Variants in REEP5 observed in about 807,000 individuals in gnomAD.
REEP5 encodes the protein receptor expression-enhancing protein 5.
REEP5 carries 24 observed loss-of-function variants against 22.4 expected under a neutral mutation model. That is an observed-to-expected ratio of 1.07 (90% CI 0.78 to 1.51). REEP5 has a LOEUF of 1.51. REEP5 is among the 40% of genes most tolerant of loss of function. The pLI, the probability that REEP5 is intolerant of heterozygous loss-of-function variation, is 0.00. For synonymous variants in REEP5, 103 were observed against 88.6 expected, an observed-to-expected ratio of 1.16 and a Z score of -0.92; for missense variants, 252 against 233.0, an observed-to-expected ratio of 1.08 and a Z score of -0.53.
chr5:112,886,709 T>A (rs544189427), intron 4 of REEP5, among the ~76,000 whole-genome samples: 2 of 152,184 alleles, frequency 1.3e-5, no homozygotes, highest in Non-Finnish European at 1.5e-5. Flanking sequence ...AAATAAACAA[T>A]TAGAAGAGAT....
At chr5:112,903,281 T>C (rs891472123) in intron 2 of REEP5, among the ~76,000 whole-genome samples, 16 of 152,242 alleles carry the variant, frequency 1.1e-4, no homozygotes, top group African/African-American at 3.4e-4. Context: ...TAGATATTTA[T>C]CGTAACTGAG....
chr5:112,908,143 C>G (rs546369526), intron 2 of REEP5, among the ~76,000 whole-genome samples: 1 of 144,180 alleles, frequency 6.9e-6, no homozygotes, highest in African/African-American at 2.6e-5. Context: ...TCTTGTGGCC[C>G]AGGCTGGAGT....
At chr5:112,892,933 A>G (rs758522835) in intron 3 of REEP5, 9 of 1,601,864 alleles carry the variant, frequency 5.6e-6, no homozygotes, top group Middle Eastern at 1.6e-4. Flanking sequence ...AGGAAGAAAT[A>G]GGCACCGCAG....
intron 2 of REEP5, among the ~76,000 whole-genome samples, chr5:112,908,353 T>C (rs982390576): frequency 6.6e-6 from 1 of 152,146 alleles, no homozygotes; most frequent in African/African-American, 2.4e-5. Flanking sequence ...TCTACCCACC[T>C]TGGCCTCCCA....
intron 2 of REEP5, among the ~76,000 whole-genome samples, chr5:112,908,179 C>A (rs1249658829): frequency 1.3e-5 from 2 of 148,842 alleles, no homozygotes; most frequent in African/African-American, 5.0e-5. Context: ...CGGCTCACTG[C>A]AACCTCTGCC....
chr5:112,880,895 G>A (rs144492045), intron 4 of REEP5, among the ~76,000 whole-genome samples: 5,305 of 152,198 alleles, frequency 0.035, 225 homozygotes, highest in East Asian at 0.16. Context: ...TTGAGAGGCC[G>A]AGGTGGGTGG....
chr5:112,888,717 A>G (rs574059298), intron 3 of REEP5, among the ~76,000 whole-genome samples: 1 of 151,028 alleles, frequency 6.6e-6, no homozygotes, highest in East Asian at 2.0e-4. Flanking sequence ...ACACATGCAC[A>G]AGAGTTTTTA....
intron 4 of REEP5, among the ~76,000 whole-genome samples, chr5:112,880,662 C>T (rs572465811): frequency 6.6e-6 from 1 of 152,210 alleles, no homozygotes; most frequent in African/African-American, 2.4e-5. Context: ...TATTTTAATT[C>T]TCTTGCCCCT....
intron 4 of REEP5, among the ~76,000 whole-genome samples, chr5:112,881,318 G>C (rs186949649): frequency 3.3e-5 from 5 of 152,110 alleles, no homozygotes. Context: ...TGCTGCTGGA[G>C]AACTGTCTTG....
chr5:112,892,170 T>C, intron 3 of REEP5: 1 of 1,614,158 alleles, frequency 6.2e-7, no homozygotes, highest in African/African-American at 1.3e-5. Context: ...GAGCTAATTG[T>C]CCCTTCTACA....
intron 2 of REEP5, 52 bp from the exon 3 acceptor site, chr5:112,902,570 G>C (rs2150044289): frequency 1.3e-6 from 2 of 1,494,894 alleles, no homozygotes; most frequent in Non-Finnish European, 1.8e-6. Context: ...ATCAATGAAA[G>C]ATTTTCAAAT....
At chr5:112,900,540 CT>C (rs1020900403) in intron 3 of REEP5, among the ~76,000 whole-genome samples, 1 of 152,196 alleles carries the variant, frequency 6.6e-6, no homozygotes, top group African/African-American at 2.4e-5. Flanking sequence ...GCTCCAACCC[CT>C]AGAGCTGTGA....
Position 112,877,063 on chromosome 5 carries a change from AT to A in REEP5, c.*1722del, listed in dbSNP as rs1391216181. ...ATTTAAATACTCCTAGATACTTAAA[AT>A]TTTTTTAATCTAAAAGTTGATTTTC... On this transcript the variant is annotated 3_prime_UTR_variant, in exon 5 of 5. Transcript: ENST00000379638. The A allele has an allele frequency of 3.9e-5, 6 of 152,168 alleles. No individual in the cohort carries two copies. The East Asian group carries it at 1.2e-3, about 29-fold the overall frequency. 9.4% of individuals were successfully genotyped at this position (152,168 alleles called of 1,614,324 possible).
At chr5:112,893,510 TTTA>T in intron 3 of REEP5, 1 of 155,858 alleles carries the variant, frequency 6.4e-6, no homozygotes, top group Non-Finnish European at 1.4e-5. Context: ...ATGTTATGAT[TTTA>T]AGCCAGGCCT....
At chr5:112,883,180 C>G (rs985151489) in intron 4 of REEP5, among the ~76,000 whole-genome samples, 3 of 152,196 alleles carry the variant, frequency 2.0e-5, no homozygotes, top group Non-Finnish European at 2.9e-5. Context: ...AGTTATAGCC[C>G]CATTCTTCTG....
At chr5:112,909,627 T>G (rs1035940607) in intron 2 of REEP5, among the ~76,000 whole-genome samples, 5 of 152,164 alleles carry the variant, frequency 3.3e-5, no homozygotes, top group Admixed American at 6.5e-5. Context: ...TCTGCAATGG[T>G]AGAATGGCAG....
chr5:112,892,449 C>A (rs1293721963), intron 3 of REEP5: 5 of 1,614,072 alleles, frequency 3.1e-6, no homozygotes, highest in Non-Finnish European at 4.2e-6. Flanking sequence ...TGGAACCTCA[C>A]CTGAGGGGCA....
chr5:112,878,824 T>C lies in REEP5; in HGVS notation c.532A>G (p.Thr178Ala). 2.5e-6 allele frequency: 4 copies of C among 1,614,160 alleles called. No individual in the cohort carries two copies. The highest frequency in any genetic ancestry group is 3.4e-6 in the Non-Finnish European group (4 of 1,180,020). The change falls in exon 5 of 5, where the codon ACC (threonine) becomes GCC (alanine). Residue 178 changes from threonine to alanine, a missense_variant. Coordinates refer to ENST00000379638, the MANE Select transcript of REEP5 (RefSeq NM_005669.5). ...DAITKEAKKA[T>A]VNLLGEEKKS... ...TTTTCTTCACCCAGTAAATTCACGG[T>C]AGCTTTCTTCGCTGTTTGTTTGTTA...
At chr5:112,892,180 AG>A in intron 3 of REEP5, 1 of 1,614,230 alleles carries the variant, frequency 6.2e-7, no homozygotes, top group Non-Finnish European at 8.5e-7. Flanking sequence ...TCCCTTCTAC[AG>A]TAAAACAGGA....
Sources: gnomAD v4.1 joint callset for allele counts (sites outside exome capture counted in the v4.1 genomes callset) on GRCh38, gnomAD v4.1.1 for gene constraint, MANE v1.5 for transcripts, NCBI Gene and HGNC (gene_info 2026-07-23, HGNC 2026-07-21) for gene names.